CNBD1: variants seen among roughly 807,000 people sequenced by gnomAD.
CNBD1 encodes cyclic nucleotide binding domain containing 1.
CNBD1 carries 71 observed loss-of-function variants against 54.4 expected under a neutral mutation model. That is an observed-to-expected ratio of 1.30 (90% CI 1.08 to 1.59). The LOEUF is 1.59. Among genes scored for constraint, CNBD1 ranks in the 40% most tolerant of loss-of-function variants. CNBD1 has a pLI of 0.00. For synonymous variants in CNBD1, 182 were observed against 170.7 expected (o/e 1.07, Z -0.51); for missense variants, 659 against 518.0 (o/e 1.27, Z -2.64).
At chr8:87,224,257 T>C (rs1314102258) in intron 5 of CNBD1, among the ~76,000 whole-genome samples, 7 of 150,082 alleles carry the variant, frequency 4.7e-5, no homozygotes, top group Non-Finnish European at 7.4e-5. Flanking sequence ...TTAGATCCCA[T>C]TTGTCAATTT....
intron 2 of CNBD1, among the ~76,000 whole-genome samples, chr8:87,403,038 T>C (rs1378132777): frequency 3.3e-5 from 5 of 152,046 alleles, no homozygotes; most frequent in Non-Finnish European, 7.4e-5. Context: ...ACTAGCTAAA[T>C]TGAATTTATT....
In CNBD1 at chr8:87,226,678, G is replaced by T. The variant is rs554217786; in HGVS notation, c.578-10241G>T. Among the ~76,000 whole-genome samples the T allele has an allele frequency of 4.0e-3, 602 of 151,992 alleles. 3 individuals carry two copies. The highest frequency in any genetic ancestry group is 0.027 in the Middle Eastern group (8 of 292). ...ACTTCCAACTATGTGGTCAATTTTG[G>T]AATAGGTGTGGTGTGGTGCTGAAAA... On this transcript the variant is annotated intron_variant, in intron 5 of 10. Coordinates refer to ENST00000518476, the MANE Select transcript of CNBD1 (RefSeq NM_173538.3).
chr8:87,415,691 A>G (rs981301305), intron 2 of CNBD1, among the ~76,000 whole-genome samples: 2 of 151,978 alleles, frequency 1.3e-5, no homozygotes, highest in African/African-American at 4.8e-5. Context: ...TGAGCATTCT[A>G]GATTCCTGTC....
intron 1 of CNBD1, among the ~76,000 whole-genome samples, chr8:86,886,171 G>C (rs1004722523): frequency 3.3e-5 from 5 of 151,818 alleles, no homozygotes; most frequent in South Asian, 4.2e-4. Context: ...AGAAAAACAG[G>C]CTAAATGAAT....
At chr8:87,314,627 A>G (rs1416347829) in intron 8 of CNBD1, among the ~76,000 whole-genome samples, 1 of 151,990 alleles carries the variant, frequency 6.6e-6, no homozygotes. Flanking sequence ...TTCTCATGAT[A>G]TTATCAGATT....
intron 8 of CNBD1, among the ~76,000 whole-genome samples, chr8:87,296,114 G>T (rs1020377340): frequency 6.6e-6 from 1 of 151,850 alleles, no homozygotes; most frequent in Non-Finnish European, 1.5e-5. Context: ...AAATAAATAG[G>T]TACAATTATA....
At chr8:86,935,776 ACTTACT>A (rs1809536175) in intron 3 of CNBD1, among the ~76,000 whole-genome samples, 1 of 152,204 alleles carries the variant, frequency 6.6e-6, no homozygotes, top group Admixed American at 6.5e-5. Flanking sequence ...TTTGAGTATA[ACTTACT>A]CTTTCTTTTT....
chr8:87,221,533 A>G (rs1242981897), intron 5 of CNBD1, among the ~76,000 whole-genome samples: 1 of 152,116 alleles, frequency 6.6e-6, no homozygotes, highest in Non-Finnish European at 1.5e-5. Context: ...TTCAAGATCC[A>G]TCATAAATGC....
chr8:87,374,389 A>G (rs1345415657), intron 10 of CNBD1, among the ~76,000 whole-genome samples: 4 of 151,888 alleles, frequency 2.6e-5, no homozygotes, highest in Non-Finnish European at 4.4e-5. Flanking sequence ...AGTTATGCAC[A>G]AATGATAAAA....
intron 2 of CNBD1, among the ~76,000 whole-genome samples, chr8:87,405,142 A>G (rs1301687814): frequency 6.6e-6 from 1 of 152,072 alleles, no homozygotes; most frequent in Non-Finnish European, 1.5e-5. Context: ...ATACTCAACC[A>G]TTGTTACAAA....
At chr8:87,055,269 T>C (rs758882206) in intron 4 of CNBD1, among the ~76,000 whole-genome samples, 6 of 152,206 alleles carry the variant, frequency 3.9e-5, no homozygotes, top group African/African-American at 9.6e-5. Flanking sequence ...ATGCTAAAGC[T>C]TTTATGAGAA....
chr8:87,287,899 CA>C (rs1808726082), intron 8 of CNBD1, among the ~76,000 whole-genome samples: 3 of 151,900 alleles, frequency 2.0e-5, no homozygotes, highest in African/African-American at 7.3e-5. Context: ...CATGTTTAGT[CA>C]AATAACTATT....
At chr8:87,351,651 A>C (rs1287736941) in intron 8 of CNBD1, 34 bp from the exon 9 acceptor site, 1 of 1,441,102 alleles carries the variant, frequency 6.9e-7, no homozygotes, top group Non-Finnish European at 9.1e-7. Context: ...TAAAGACAAG[A>C]ATGTGTGAAA....
At chr8:86,933,823 A>G (rs1052708598) in intron 3 of CNBD1, among the ~76,000 whole-genome samples, 1 of 152,142 alleles carries the variant, frequency 6.6e-6, no homozygotes, top group African/African-American at 2.4e-5. Flanking sequence ...AACATCAGAG[A>G]AAGGAAAAAT....
intron 10 of CNBD1, among the ~76,000 whole-genome samples, chr8:87,364,529 A>T (rs534859312): frequency 4.2e-4 from 64 of 151,594 alleles, no homozygotes; most frequent in Non-Finnish European, 9.0e-4. Flanking sequence ...TACATGTGCA[A>T]GTTTGTTATA....
intron 2 of CNBD1, among the ~76,000 whole-genome samples, chr8:87,420,664 T>C (rs1349152939): frequency 6.6e-6 from 1 of 152,082 alleles, no homozygotes; most frequent in Non-Finnish European, 1.5e-5. Context: ...CTATTATGCT[T>C]TTGCTATTTA....
chr8:87,367,094 T>A (rs918476180), intron 10 of CNBD1, among the ~76,000 whole-genome samples: 1 of 152,050 alleles, frequency 6.6e-6, no homozygotes, highest in Non-Finnish European at 1.5e-5. Flanking sequence ...ATTGGGACTT[T>A]ATCCTGGCTG....
chr8:87,328,231 C>G (rs1809728151), intron 8 of CNBD1, among the ~76,000 whole-genome samples: 1 of 151,794 alleles, frequency 6.6e-6, no homozygotes, highest in Non-Finnish European at 1.5e-5. Flanking sequence ...ACTGAAGAGG[C>G]TATATTTCCT....
At chr8:87,314,607 T>C (rs1586005246) in intron 8 of CNBD1, among the ~76,000 whole-genome samples, 1 of 59,458 alleles carries the variant, frequency 1.7e-5, no homozygotes, top group Non-Finnish European at 4.2e-5. Flanking sequence ...GGAGGCAGTA[T>C]TATTATTTTT....
Sources: allele counts gnomAD v4.1 joint callset (sites outside exome capture counted in the v4.1 genomes callset), GRCh38; gene constraint gnomAD v4.1.1; transcripts MANE v1.5; gene names NCBI Gene and HGNC (gene_info 2026-07-23, HGNC 2026-07-21).